Variants in CNBD1 observed in about 807,000 individuals in gnomAD.
CNBD1 encodes cyclic nucleotide-binding domain-containing protein 1.
A neutral mutation model predicts 54.4 loss-of-function variants in CNBD1; 71 were observed. The ratio of observed to expected loss-of-function variants is 1.30; its 90% CI spans 1.08 to 1.59. CNBD1 has a LOEUF of 1.59. CNBD1 is among the 40% of genes most tolerant of loss of function. CNBD1 has a pLI of 0.00. For missense variants in CNBD1, 659 were observed against 518.0 expected (o/e 1.27, Z -2.64); for synonymous variants, 182 against 170.7 (o/e 1.07, Z -0.51).
At position 87,382,850 on chromosome 8, in the gene CNBD1, G is replaced by A. The variant is rs1204699188; in HGVS notation, c.*223G>A. On this transcript the variant is annotated 3_prime_UTR_variant, in exon 11 of 11. Transcript: ENST00000518476. ...TACTAAAATAAATATAGTTATCATT[G>A]CTTGATTTACCTCTGTTGATACGAA... 4.8e-6 allele frequency: 2 copies of A among 413,016 alleles called. No individual in the cohort carries two copies. The highest frequency in any genetic ancestry group is 2.0e-5 in the African/African-American group (1 of 49,702). 25.6% of individuals were successfully genotyped at this position (413,016 alleles called of 1,614,324 possible).
intron 4 of CNBD1, among the ~76,000 whole-genome samples, chr8:86,948,903 ACT>A (rs1287164836): frequency 6.6e-6 from 1 of 151,858 alleles, no homozygotes; most frequent in Non-Finnish European, 1.5e-5. Context: ...TAGATTTAAG[ACT>A]CTAATCCATT....
At chr8:86,930,745 T>G (rs142679208) in intron 3 of CNBD1, among the ~76,000 whole-genome samples, 12 of 152,334 alleles carry the variant, frequency 7.9e-5, no homozygotes, top group South Asian at 4.1e-4. Flanking sequence ...CATTGACTGT[T>G]CAGTTTTTGT....
chr8:87,157,812 A>G (rs547844393), intron 4 of CNBD1, among the ~76,000 whole-genome samples: 1 of 152,232 alleles, frequency 6.6e-6, no homozygotes, highest in Admixed American at 6.5e-5. Flanking sequence ...AAAACAGTCT[A>G]TTTAATTTCT....
At chr8:87,073,286 G>A (rs1422822907) in intron 4 of CNBD1, among the ~76,000 whole-genome samples, 1 of 151,930 alleles carries the variant, frequency 6.6e-6, no homozygotes, top group Non-Finnish European at 1.5e-5. Context: ...TACTCACCTT[G>A]TGAAGCCTAC....
intron 8 of CNBD1, among the ~76,000 whole-genome samples, chr8:87,347,921 T>C (rs1328840918): frequency 6.6e-6 from 1 of 152,226 alleles, no homozygotes; most frequent in Non-Finnish European, 1.5e-5. Flanking sequence ...TATAAATATA[T>C]TATTTTAGTA....
chr8:87,048,181 C>T (rs754619976), intron 4 of CNBD1, among the ~76,000 whole-genome samples: 17 of 152,058 alleles, frequency 1.1e-4, no homozygotes, highest in Non-Finnish European at 1.8e-4. Context: ...AACACCAAGT[C>T]TTCTGGGTTA....
chr8:87,143,898 A>G (rs1289259353), intron 4 of CNBD1, among the ~76,000 whole-genome samples: 1 of 152,212 alleles, frequency 6.6e-6, no homozygotes, highest in African/African-American at 2.4e-5. Context: ...GTGCTGCAGA[A>G]TAAATTCTGA....
chr8:87,002,111 C>G (rs539752475), intron 4 of CNBD1, among the ~76,000 whole-genome samples: 2 of 152,200 alleles, frequency 1.3e-5, no homozygotes, highest in South Asian at 4.2e-4. Flanking sequence ...GCTCCAAGTC[C>G]TTGCCTCTTT....
chr8:87,412,358 C>T (rs1184051000), intron 2 of CNBD1, among the ~76,000 whole-genome samples: 1 of 152,036 alleles, frequency 6.6e-6, no homozygotes, highest in Non-Finnish European at 1.5e-5. Flanking sequence ...AACAGTAATA[C>T]TATGTCAATA....
At chr8:87,068,415 A>G (rs1335353095) in intron 4 of CNBD1, among the ~76,000 whole-genome samples, 1 of 152,040 alleles carries the variant, frequency 6.6e-6, no homozygotes, top group African/African-American at 2.4e-5. Flanking sequence ...AACCCAATTT[A>G]ATCTTTACAA....
At chr8:87,425,689 G>T (rs1808033486) in intron 2 of CNBD1, among the ~76,000 whole-genome samples, 1 of 152,222 alleles carries the variant, frequency 6.6e-6, no homozygotes, top group South Asian at 2.1e-4. Context: ...CAGATCTCCA[G>T]CTGCGTGCTG....
chr8:87,329,253 A>C (rs749836822), intron 8 of CNBD1, among the ~76,000 whole-genome samples: 1 of 152,132 alleles, frequency 6.6e-6, no homozygotes, highest in Non-Finnish European at 1.5e-5. Context: ...CTGGGCTTAC[A>C]TTGATCTATT....
intron 1 of CNBD1, among the ~76,000 whole-genome samples, chr8:86,886,060 C>T (rs1297928044): frequency 2.0e-5 from 3 of 152,002 alleles, no homozygotes; most frequent in African/African-American, 7.3e-5. Context: ...GGTCAGAATT[C>T]CTTAAACCTT....
intron 8 of CNBD1, among the ~76,000 whole-genome samples, chr8:87,334,728 T>C (rs1563557767): frequency 7.1e-6 from 1 of 140,290 alleles, no homozygotes; most frequent in Non-Finnish European, 1.6e-5. Flanking sequence ...TCTTTTCTTT[T>C]TTTTTTTTTA....
At chr8:87,148,687 A>T (rs976339535) in intron 4 of CNBD1, among the ~76,000 whole-genome samples, 1 of 152,198 alleles carries the variant, frequency 6.6e-6, no homozygotes, top group African/African-American at 2.4e-5. Context: ...TGTGCTGCCA[A>T]AATTCCCCTG....
intron 6 of CNBD1, among the ~76,000 whole-genome samples, chr8:87,256,302 A>G (rs1808025101): frequency 6.6e-6 from 1 of 151,682 alleles, no homozygotes; most frequent in Admixed American, 6.6e-5. Flanking sequence ...TATTACAGGT[A>G]TGAGCCACTG....
chr8:87,257,283 C>T (rs540709813), intron 6 of CNBD1, among the ~76,000 whole-genome samples: 7 of 147,174 alleles, frequency 4.8e-5, no homozygotes, highest in Admixed American at 2.1e-4. Flanking sequence ...ACAGGAGAAT[C>T]GCTTGAATCC....
At chr8:86,957,002 C>A (rs1474244759) in intron 4 of CNBD1, among the ~76,000 whole-genome samples, 1 of 152,100 alleles carries the variant, frequency 6.6e-6, no homozygotes, top group Non-Finnish European at 1.5e-5. Context: ...GAGATATGTC[C>A]CATCAATACC....
chr8:87,426,101 C>G (rs1808043499), intron 2 of CNBD1, among the ~76,000 whole-genome samples: 1 of 152,214 alleles, frequency 6.6e-6, no homozygotes, highest in Non-Finnish European at 1.5e-5. Context: ...TCCATCACCC[C>G]TTTCTTTGAC....
Sources: allele counts gnomAD v4.1 joint callset (sites outside exome capture counted in the v4.1 genomes callset), GRCh38; gene constraint gnomAD v4.1.1; transcripts MANE v1.5; gene names NCBI Gene and HGNC (gene_info 2026-07-23, HGNC 2026-07-21).